Variants in CYP7B1 observed in about 807,000 individuals in gnomAD.
CYP7B1 encodes cytochrome P450 7B1.
A neutral mutation model predicts 42.7 loss-of-function variants in CYP7B1; 29 were observed. That is an observed-to-expected ratio of 0.68 (90% CI 0.51 to 0.93). CYP7B1 has a LOEUF of 0.93. Among genes scored for constraint, CYP7B1 ranks in the 40% least tolerant of loss-of-function variants. CYP7B1 has a pLI of 0.00. For missense variants in CYP7B1, 655 were observed against 600.5 expected, an observed-to-expected ratio of 1.09 and a Z score of -0.95; for synonymous variants, 235 against 218.2, an observed-to-expected ratio of 1.08 and a Z score of -0.68.
At chr8:64,747,375 T>G (rs953708563) in intron 1 of CYP7B1, among the ~76,000 whole-genome samples, 15 of 150,806 alleles carry the variant, frequency 9.9e-5, no homozygotes, top group Non-Finnish European at 1.2e-4. Context: ...CCTCCACCCC[T>G]GCACAGTCAG....
At chr8:64,784,272 C>T (rs1804483355) in intron 1 of CYP7B1, among the ~76,000 whole-genome samples, 1 of 152,056 alleles carries the variant, frequency 6.6e-6, no homozygotes, top group African/African-American at 2.4e-5. Flanking sequence ...AGCAAGTAAA[C>T]ACAAAAATTG....
chr8:64,780,569 C>CA (rs1563425970), intron 1 of CYP7B1, among the ~76,000 whole-genome samples: 1 of 151,954 alleles, frequency 6.6e-6, no homozygotes, highest in Non-Finnish European at 1.5e-5. Flanking sequence ...AAAAAAATGC[C>CA]AAACCCATAA....
chr8:64,625,167 G>A (rs2129630456), intron 1 of CYP7B1, among the ~76,000 whole-genome samples: 1 of 151,972 alleles, frequency 6.6e-6, no homozygotes, highest in East Asian at 1.9e-4. Context: ...TAGAGAGGGG[G>A]TTTCACCGTG....
intron 1 of CYP7B1, among the ~76,000 whole-genome samples, chr8:64,709,445 A>G (rs1268815747): frequency 3.9e-5 from 6 of 152,222 alleles, no homozygotes; most frequent in Admixed American, 1.3e-4. Context: ...TGTGTTAAGA[A>G]GAATTAAATA....
chr8:64,683,106 A>G (rs907690608), intron 1 of CYP7B1, among the ~76,000 whole-genome samples: 3 of 152,222 alleles, frequency 2.0e-5, no homozygotes, highest in Non-Finnish European at 2.9e-5. Flanking sequence ...CCTTTGCTGC[A>G]TGATCACAGC....
At chr8:64,701,317 T>A (rs1806913417) in intron 1 of CYP7B1, among the ~76,000 whole-genome samples, 1 of 152,096 alleles carries the variant, frequency 6.6e-6, no homozygotes, top group South Asian at 2.1e-4. Context: ...GATAAGATCA[T>A]GCCCGTAATG....
intron 1 of CYP7B1, among the ~76,000 whole-genome samples, chr8:64,624,997 G>T: frequency 1.2e-5 from 1 of 82,954 alleles, no homozygotes; most frequent in East Asian, 4.0e-4. Context: ...TTTTTGAGAC[G>T]GAGTCTCGCT....
chr8:64,704,706 T>C (rs532292724), intron 1 of CYP7B1, among the ~76,000 whole-genome samples: 15 of 152,090 alleles, frequency 9.9e-5, no homozygotes, highest in Non-Finnish European at 1.5e-4. Context: ...TAACATTTCA[T>C]GCTGTTCTGG....
chr8:64,763,493 A>G (rs6472151), intron 1 of CYP7B1, among the ~76,000 whole-genome samples: 146,754 of 152,338 alleles, frequency 0.96, 70,790 homozygotes, highest in African/African-American at 0.98. Context: ...TCTCTAAAGC[A>G]GTGAGTAATA....
At chr8:64,702,778 T>C (rs1227309012) in intron 1 of CYP7B1, among the ~76,000 whole-genome samples, 1 of 152,102 alleles carries the variant, frequency 6.6e-6, no homozygotes, top group Non-Finnish European at 1.5e-5. Flanking sequence ...GAAACATACA[T>C]AATGTACGGC....
chr8:64,694,009 G>A (rs572115955), intron 1 of CYP7B1, among the ~76,000 whole-genome samples: 9 of 152,252 alleles, frequency 5.9e-5, no homozygotes, highest in East Asian at 3.9e-4. Flanking sequence ...CTCAATACGC[G>A]TTGAGGCTTG....
At chr8:64,622,220 T>G (rs574495023) in intron 2 of CYP7B1, among the ~76,000 whole-genome samples, 1 of 152,252 alleles carries the variant, frequency 6.6e-6, no homozygotes, top group Non-Finnish European at 1.5e-5. Flanking sequence ...ATTTGCATAA[T>G]AAAGCATTGA....
intron 1 of CYP7B1, among the ~76,000 whole-genome samples, chr8:64,757,704 T>C (rs1029793573): frequency 1.3e-5 from 2 of 152,234 alleles, no homozygotes; most frequent in African/African-American, 4.8e-5. Flanking sequence ...ACCTCTGATC[T>C]GCATTGCTGG....
intron 1 of CYP7B1, among the ~76,000 whole-genome samples, chr8:64,712,339 T>A (rs1055174831): frequency 6.6e-6 from 1 of 152,118 alleles, no homozygotes; most frequent in Non-Finnish European, 1.5e-5. Context: ...AGCACTTGCA[T>A]TCTGGATCTC....
chr8:64,644,164 T>C (rs967623199), intron 1 of CYP7B1, among the ~76,000 whole-genome samples: 7 of 151,512 alleles, frequency 4.6e-5, no homozygotes, highest in African/African-American at 1.7e-4. Context: ...TCCCAGATAC[T>C]CAGAGGCTGA....
At chr8:64,711,982 T>G (rs1266254990) in intron 1 of CYP7B1, among the ~76,000 whole-genome samples, 1 of 152,218 alleles carries the variant, frequency 6.6e-6, no homozygotes, top group Non-Finnish European at 1.5e-5. Context: ...GCACTATTAT[T>G]ATCCTTCACC....
intron 1 of CYP7B1, among the ~76,000 whole-genome samples, chr8:64,631,044 A>G (rs1397506239): frequency 6.6e-6 from 1 of 152,192 alleles, no homozygotes; most frequent in East Asian, 1.9e-4. Flanking sequence ...CTCTTGTAGA[A>G]AATAGAAGCA....
chr8:64,722,591 T>C (rs1044235273), intron 1 of CYP7B1, among the ~76,000 whole-genome samples: 58 of 152,062 alleles, frequency 3.8e-4, no homozygotes, highest in African/African-American at 1.4e-3. Flanking sequence ...TTTGCTTACA[T>C]GGACACATGT....
chr8:64,601,750 A>AT (rs1187845498), intron 5 of CYP7B1, among the ~76,000 whole-genome samples: 23 of 152,216 alleles, frequency 1.5e-4, no homozygotes, highest in Non-Finnish European at 1.3e-4. Context: ...TCAAAAGCCT[A>AT]TTTTTTCAGG....
Sources: gnomAD v4.1 joint callset for allele counts (sites outside exome capture counted in the v4.1 genomes callset) on GRCh38, gnomAD v4.1.1 for gene constraint, MANE v1.5 for transcripts, NCBI Gene and HGNC (gene_info 2026-07-23, HGNC 2026-07-21) for gene names.